DDX60L: variants seen among roughly 807,000 people sequenced by gnomAD.
The protein encoded by DDX60L is probable ATP-dependent RNA helicase DDX60-like.
A neutral mutation model predicts 211.6 loss-of-function variants in DDX60L; 191 were observed. The observed-to-expected ratio is 0.90, with a 90% CI of 0.80 to 1.02. The LOEUF (loss-of-function observed/expected upper bound fraction) is 1.02. DDX60L is among the 50% of genes least tolerant of loss of function. The pLI is 0.00. For missense variants in DDX60L, 2,007 were observed against 1,984.1 expected, an observed-to-expected ratio of 1.01 and a Z score of -0.22; for synonymous variants, 706 against 694.1, an observed-to-expected ratio of 1.02 and a Z score of -0.27.
chr4:168,399,216 C>T (rs911905787), intron 26 of DDX60L, among the ~76,000 whole-genome samples: 1 of 152,140 alleles, frequency 6.6e-6, no homozygotes, highest in Non-Finnish European at 1.5e-5. Flanking sequence ...CCTTGCTTGC[C>T]ACGTTATGGG....
chr4:168,432,522 T>C lies in DDX60L; in HGVS notation c.1449A>G (p.Glu483=), dbSNP rs1396233995. 1 of 1,585,472 alleles carries C rather than the reference T, an allele frequency of 6.3e-7. No individual in the cohort carries two copies. Among genetic ancestry groups the C allele is most frequent in the South Asian group, 1.1e-5 (1 of 87,388 alleles). ...GTCTTTGAGCATGCCAGTGCAAAAGTTCATCAGATGTCTTTTGTTTAAACA... is the reference window on the plus strand; with the variant it reads ...GTCTTTGAGCATGCCAGTGCAAAAGCTCATCAGATGTCTTTTGTTTAAACA... ...PSLFKQKTSD[E]LLHWHAQRLL... Residue 483 remains glutamate (E), a synonymous_variant, in exon 12 of 38, where the codon GAA becomes GAG. Transcript: ENST00000682922.
chr4:168,436,362 C>A (rs911071245), intron 10 of DDX60L, among the ~76,000 whole-genome samples: 3 of 152,216 alleles, frequency 2.0e-5, no homozygotes, highest in African/African-American at 7.2e-5. Flanking sequence ...GAACCCGTAT[C>A]CACAATCTTG....
intron 10 of DDX60L, among the ~76,000 whole-genome samples, chr4:168,437,976 C>T (rs1447679303): frequency 6.6e-6 from 1 of 152,126 alleles, no homozygotes; most frequent in Non-Finnish European, 1.5e-5. Context: ...TGGGTTCAAG[C>T]GATTCTCCTG....
intron 19 of DDX60L, among the ~76,000 whole-genome samples, chr4:168,417,898 T>A (rs1368662890): frequency 6.6e-6 from 1 of 152,232 alleles, no homozygotes; most frequent in Non-Finnish European, 1.5e-5. Context: ...AATATTTTCA[T>A]ATCCCTTCTG....
chr4:168,432,039 G>A (rs1044077456), intron 12 of DDX60L, among the ~76,000 whole-genome samples: 3 of 152,028 alleles, frequency 2.0e-5, no homozygotes, highest in African/African-American at 7.2e-5. Context: ...AAACCATCAA[G>A]TATCTTTCCC....
At chr4:168,422,856 G>T (rs1750857116) in intron 15 of DDX60L, among the ~76,000 whole-genome samples, 186 bp from the exon 16 acceptor site, 1 of 151,896 alleles carries the variant, frequency 6.6e-6, no homozygotes, top group Non-Finnish European at 1.5e-5. Flanking sequence ...GCTCACTGCA[G>T]CCTTGAACTG....
chr4:168,468,346 A>C (rs1758299424), intron 4 of DDX60L, among the ~76,000 whole-genome samples: 2 of 152,158 alleles, frequency 1.3e-5, no homozygotes. Flanking sequence ...ATATTTAAAA[A>C]TCACTTAATG....
At chr4:168,474,774 A>T (rs1182633767) in intron 1 of DDX60L, among the ~76,000 whole-genome samples, 2 of 152,234 alleles carry the variant, frequency 1.3e-5, no homozygotes, top group African/African-American at 4.8e-5. Context: ...ATCCATTAAA[A>T]GGTAATCCTG....
Position 168,396,135 on chromosome 4 carries a change from A to AG in DDX60L, c.3492-12_3492-11insC. 1 of 1,302,994 alleles carries AG rather than the reference A, an allele frequency of 7.7e-7. No homozygotes were observed. The highest frequency in any genetic ancestry group is 1.0e-6 in the Non-Finnish European group (1 of 972,008). The allele number at this position is 1,302,994 out of a possible 1,614,324, so 80.7% of individuals were successfully genotyped here. A position where few individuals can be genotyped will look rare whatever the true frequency, so the allele number is the denominator to read the frequency against. The stretch of plus-strand genomic sequence containing the variant: ...GGGTTTTTTTTAGTGCTACTATTTA[A>AG]AAAAAAAAAAAAACTTTTAAGTAAT... On this transcript the variant is annotated splice_polypyrimidine_tract_variant and intron_variant, in intron 26 of 37. Transcript: ENST00000682922.
intron 8 of DDX60L, among the ~76,000 whole-genome samples, chr4:168,451,410 T>C (rs1755781350): frequency 6.6e-6 from 1 of 152,238 alleles, no homozygotes; most frequent in Non-Finnish European, 1.5e-5. Context: ...GCAGCATCCA[T>C]ACAGTTGGCC....
At chr4:168,375,037 C>T (rs1458633247) in intron 34 of DDX60L, among the ~76,000 whole-genome samples, 9 of 152,108 alleles carry the variant, frequency 5.9e-5, no homozygotes, top group Admixed American at 3.3e-4. Context: ...GAAATTATGC[C>T]GTTTTCTTTT....
At chr4:168,383,946 T>A (rs563605479) in intron 30 of DDX60L, among the ~76,000 whole-genome samples, 21 of 152,254 alleles carry the variant, frequency 1.4e-4, no homozygotes, top group Admixed American at 3.3e-4. Context: ...GACCCACCCT[T>A]AATGTGGGTG....
rs896450061 is a variant in DDX60L, at chr4:168,357,048, G to T, written c.*1099C>A. 3.9e-5 allele frequency: 6 copies of T among 152,108 alleles called. No individual in the cohort carries two copies. Among genetic ancestry groups the T allele is most frequent in the African/African-American group, 1.4e-4 (6 of 41,420 alleles). The allele number at this position is 152,108 out of a possible 1,614,324, so 9.4% of individuals were successfully genotyped here. ...TTTGTTTTTGTTATGGTTGCTGTTT[G>T]TTCCCTTATGTTTGTTTGTATGCTT... On this transcript the variant is annotated 3_prime_UTR_variant, in exon 38 of 38. Coordinates refer to ENST00000682922, the MANE Select transcript of DDX60L (RefSeq NM_001012967.3).
chr4:168,443,518 T>C (rs1395257251), intron 9 of DDX60L, among the ~76,000 whole-genome samples: 1 of 151,814 alleles, frequency 6.6e-6, no homozygotes, highest in Non-Finnish European at 1.5e-5. Flanking sequence ...ATTCAGGAAA[T>C]ATAGAGAACG....
intron 22 of DDX60L, among the ~76,000 whole-genome samples, chr4:168,407,285 T>C (rs1747911779): frequency 6.6e-6 from 1 of 152,160 alleles, no homozygotes; most frequent in Non-Finnish European, 1.5e-5. Flanking sequence ...GTTACCCTGG[T>C]TACTGATCAG....
chr4:168,364,290 G>T (rs1739590387), intron 36 of DDX60L, among the ~76,000 whole-genome samples: 1 of 152,024 alleles, frequency 6.6e-6, no homozygotes, highest in African/African-American at 2.4e-5. Context: ...TGAACTTTAA[G>T]ACAAAAACTA....
chr4:168,397,579 T>C (rs143583107), intron 26 of DDX60L, among the ~76,000 whole-genome samples: 2,502 of 152,286 alleles, frequency 0.016, 39 homozygotes, highest in Admixed American at 0.026. Flanking sequence ...TCCAGGTAGA[T>C]GCAGTGTGTG....
At chr4:168,396,785 A>G (rs1254822208) in intron 26 of DDX60L, among the ~76,000 whole-genome samples, 1 of 151,562 alleles carries the variant, frequency 6.6e-6, no homozygotes, top group Non-Finnish European at 1.5e-5. Context: ...CGTCCAAAAA[A>G]TATACACAAC....
At chr4:168,415,820 A>G in intron 20 of DDX60L, 21 bp from the exon 21 acceptor site, 1 of 1,470,272 alleles carries the variant, frequency 6.8e-7, no homozygotes, top group Non-Finnish European at 9.0e-7. Flanking sequence ...AAACATGCAT[A>G]TAATTTAAAT....
Sources: gnomAD v4.1 joint callset for allele counts (sites outside exome capture counted in the v4.1 genomes callset) on GRCh38, gnomAD v4.1.1 for gene constraint, MANE v1.5 for transcripts, NCBI Gene and HGNC (gene_info 2026-07-23, HGNC 2026-07-21) for gene names.